The following TLR5 variants were observed in gnomAD, a reference collection of about 807,000 sequenced individuals.
The protein encoded by TLR5 is toll-like receptor 5.
For missense variants in TLR5, 944 were observed against 999.8 expected, an observed-to-expected ratio of 0.94 and a Z score of 0.75; for synonymous variants, 373 against 384.4, an observed-to-expected ratio of 0.97 and a Z score of 0.35.
chr1:223,127,097 C>T (rs1351839715), intron 5 of TLR5: 3 of 152,272 alleles, frequency 2.0e-5, no homozygotes, highest in South Asian at 4.1e-4. Flanking sequence ...TGGGGCACCA[C>T]AGCATGCGGA....
At chr1:223,114,572 G>A (rs1773726) in intron 5 of TLR5, among the ~76,000 whole-genome samples, 51,674 of 151,822 alleles carry the variant, frequency 0.34, 9,947 homozygotes, top group Non-Finnish European at 0.43. Flanking sequence ...GAGCAGTCAC[G>A]GTGCTGGAGG....
intron 5 of TLR5, among the ~76,000 whole-genome samples, chr1:223,125,665 C>T (rs1657137912): frequency 6.6e-6 from 1 of 152,034 alleles, no homozygotes; most frequent in African/African-American, 2.4e-5. Flanking sequence ...GTGGTGTGCT[C>T]TCTCAGGAAT....
chr1:223,112,236 C>T lies in TLR5; in HGVS notation c.796G>A (p.Gly266Ser). 10 of 1,614,112 alleles carry T rather than the reference C, an allele frequency of 6.2e-6. No homozygotes were observed. The highest frequency in any genetic ancestry group is 8.5e-6 in the Non-Finnish European group (10 of 1,180,038). The change falls in exon 6 of 6, where the codon GGT becomes AGT. Residue 266 changes from glycine (G) to serine (S), a missense_variant. Gly to Ser is a moderately conservative substitution (Grantham distance 56). Coordinates refer to ENST00000642603, the MANE Select transcript of TLR5 (RefSeq NM_003268.6). ...ATGTTATGGAAGCCAAACCCGGCAC[C>T]CATGATGTGGTGGGCAAGAATCAAA... ...FSLILAHHIM[G>S]AGFGFHNIKD...
In TLR5 at chr1:223,112,644, C is replaced by A. The variant is rs765693848; in HGVS notation, c.388G>T (p.Gly130Cys). 7 of 1,614,008 alleles carry A rather than the reference C, an allele frequency of 4.3e-6. No individual in the cohort carries two copies. Among genetic ancestry groups the A allele is most frequent in the Admixed American group, 1.7e-5 (1 of 60,004 alleles). ...HLFELRLYFC[G>C]LSDAVLKDGY... is the part of the protein sequence containing the mutation. Reference sequence around the variant, plus strand: ...TCTTTCAATACAGCATCAGAGAGACCACAGAAATACAGTCTAAGTTCAAAC... The same window carrying A: ...TCTTTCAATACAGCATCAGAGAGACAACAGAAATACAGTCTAAGTTCAAAC... Residue 130 changes from glycine (G) to cysteine (C), a missense_variant, in exon 6 of 6, where the codon GGT (glycine) becomes TGT (cysteine). Transcript: ENST00000642603.
chr1:223,118,835 G>T (rs1306571184), intron 5 of TLR5, among the ~76,000 whole-genome samples: 1 of 152,030 alleles, frequency 6.6e-6, no homozygotes, highest in Non-Finnish European at 1.5e-5. Context: ...CGGGCACGGT[G>T]GCTCACGCCT....
At chr1:223,143,010 G>C (rs1470025403) in intron 1 of TLR5, among the ~76,000 whole-genome samples, 186 bp downstream of exon 1, 3 of 152,156 alleles carry the variant, frequency 2.0e-5, no homozygotes, top group African/African-American at 7.2e-5. Flanking sequence ...CGTCTCGCGG[G>C]TGCCGCGGGG....
chr1:223,131,057 A>T lies in TLR5; in HGVS notation c.-5+1418T>A, dbSNP rs1045905933. 6.6e-6 allele frequency among the ~76,000 whole-genome samples: 1 copy of T among 152,108 alleles called. No homozygotes were observed. The highest frequency in any genetic ancestry group is 2.4e-5 in the African/African-American group (1 of 41,430). ...AGGCTCCACTGCCTCCCCTCTAGAT[A>T]TGGGAGACACCACCTTGCTAGTCTC... On this transcript the variant is annotated intron_variant, in intron 5 of 5. Coordinates refer to ENST00000642603, the MANE Select transcript of TLR5 (RefSeq NM_003268.6). The surrounding 1 kb of genome is among the most constrained non-coding windows in gnomAD (Gnocchi z 4.2).
In TLR5 at chr1:223,110,610, C is replaced by T. The variant is rs752765596; in HGVS notation, c.2422G>A (p.Gly808Ser). ...YQLMKHQSIR[G>S]FVQKQQYLRW... The stretch of plus-strand genomic sequence containing the variant: ...AAATACTGCTGTTTCTGTACAAAGC[C>T]TCTGATGGATTGATGTTTCATCAAC... The change falls in exon 6 of 6, where the codon GGC becomes AGC. Residue 808 changes from glycine to serine, a missense_variant. By Grantham distance (56) the Gly-to-Ser change is moderately conservative. Coordinates refer to ENST00000642603, the MANE Select transcript of TLR5 (RefSeq NM_003268.6). The T allele has an allele frequency of 8.7e-6, 14 of 1,614,172 alleles. No individual in the cohort carries two copies. Among genetic ancestry groups the T allele is most frequent in the Non-Finnish European group, 1.1e-5 (13 of 1,180,036 alleles).
intron 5 of TLR5, among the ~76,000 whole-genome samples, chr1:223,117,945 C>T (rs943151010): frequency 1.6e-4 from 24 of 152,280 alleles, no homozygotes; most frequent in African/African-American, 4.8e-4. Flanking sequence ...AGTGATTTTC[C>T]GAAATGGTGA....
intron 3 of TLR5, among the ~76,000 whole-genome samples, chr1:223,136,222 AG>A (rs1657606846): frequency 1.3e-5 from 2 of 152,334 alleles, no homozygotes; most frequent in South Asian, 4.1e-4. Flanking sequence ...GCAGGACCCC[AG>A]TGAGTTAGCT....
intron 2 of TLR5, among the ~76,000 whole-genome samples, chr1:223,139,762 C>T (rs1657762129): frequency 6.6e-6 from 1 of 152,092 alleles, no homozygotes; most frequent in South Asian, 2.1e-4. Flanking sequence ...GTTTTGAGCA[C>T]CACCACTGCA....
chr1:223,110,946 A>G lies in TLR5; in HGVS notation c.2086T>C (p.Tyr696His), dbSNP rs767383887. ...AAGTCTTTGCTGCTGAAGCACAAATAGGCATCATATTTGTACATATCAGGT... is the reference window on the plus strand; with the variant it reads ...AAGTCTTTGCTGCTGAAGCACAAATGGGCATCATATTTGTACATATCAGGT... Reference protein sequence around the residue: ...TEPDMYKYDAYLCFSSKDFTW... With the variant: ...TEPDMYKYDAHLCFSSKDFTW... Residue 696 changes from tyrosine (Y) to histidine (H), a missense_variant, in exon 6 of 6, where the codon TAT (tyrosine) becomes CAT (histidine). Physicochemically the swap from Tyr to His is moderately conservative, Grantham distance 83 (BLOSUM62 2). Transcript: ENST00000642603. 29 of 1,614,146 alleles carry G rather than the reference A, an allele frequency of 1.8e-5. No individual in the cohort carries two copies. The highest frequency in any genetic ancestry group is 2.4e-5 in the Non-Finnish European group (28 of 1,180,052).
At chr1:223,124,466 G>GA (rs200329381) in intron 5 of TLR5, among the ~76,000 whole-genome samples, 4 of 147,310 alleles carry the variant, frequency 2.7e-5, no homozygotes, top group East Asian at 2.0e-4. Flanking sequence ...AAAAGAAAAA[G>GA]AAAAAAAAAG....
chr1:223,116,856 A>C (rs1656680071), intron 5 of TLR5, among the ~76,000 whole-genome samples: 2 of 152,214 alleles, frequency 1.3e-5, no homozygotes, highest in South Asian at 2.1e-4. Context: ...TAGACATAAA[A>C]GTTCTCCAAG....
chr1:223,138,781 A>G (rs1420997274), intron 2 of TLR5, among the ~76,000 whole-genome samples: 1 of 152,186 alleles, frequency 6.6e-6, no homozygotes, highest in Admixed American at 6.5e-5. Flanking sequence ...ATAGGTTTGA[A>G]AAAACCTTGT....
chr1:223,131,701 C>T lies in TLR5; in HGVS notation c.-5+774G>A, dbSNP rs985002933. Among the ~76,000 whole-genome samples, 1 of 152,188 alleles carries T rather than the reference C, an allele frequency of 6.6e-6. No individual in the cohort carries two copies. Among genetic ancestry groups the T allele is most frequent in the Non-Finnish European group, 1.5e-5 (1 of 68,026 alleles). ...ATCTCAGCTTCCCAAGTAGTTGGGA[C>T]TACAGGCTTGTACCACCATGCCCAG... On this transcript the variant is annotated intron_variant, in intron 5 of 5. Transcript: ENST00000642603. The surrounding 1 kb of genome is among the most constrained non-coding windows in gnomAD (Gnocchi z 4.2).
At position 223,111,490 on chromosome 1, in the gene TLR5, A is replaced by G. The variant is rs1656335031; in HGVS notation, c.1542T>C (p.Leu514=). Residue 514 remains leucine, a synonymous_variant, in exon 6 of 6, where the codon CTT becomes CTC. Transcript: ENST00000642603. ...TAAATACTCCTGGTGGAAGGGAATT[A>G]AGATAGTTATGATTCAAATACAGAA... The part of the protein sequence containing the change: ...LQVLYLNHNY[L]NSLPPGVFSH... 2 of 1,614,172 alleles carry G rather than the reference A, an allele frequency of 1.2e-6. No individual in the cohort carries two copies. The highest frequency in any genetic ancestry group is 1.7e-6 in the Non-Finnish European group (2 of 1,180,040).
chr1:223,129,762 A>G (rs979901900), intron 5 of TLR5, among the ~76,000 whole-genome samples: 1 of 152,224 alleles, frequency 6.6e-6, no homozygotes, highest in African/African-American at 2.4e-5. Flanking sequence ...CCTCAGAGCC[A>G]TCACACGCCT....
chr1:223,111,757 C>T lies in TLR5; in HGVS notation c.1275G>A (p.Ala425=), dbSNP rs550493136. 111 of 1,614,016 alleles carry T rather than the reference C, an allele frequency of 6.9e-5. No individual in the cohort carries two copies. The highest frequency in any genetic ancestry group is 3.3e-4 in the Admixed American group (20 of 60,020). The part of the protein sequence containing the change: ...LVTLPKINLT[A]NLIHLSENRL... The stretch of plus-strand genomic sequence containing the variant: ...TGTTTTCTGATAAGTGGATGAGGTT[C>T]GCTGTAAGGTTGATCTTTGGCAAAG... The change falls in exon 6 of 6, where the codon GCG becomes GCA. Residue 425 remains alanine (A), a synonymous_variant. Coordinates refer to ENST00000642603, the MANE Select transcript of TLR5 (RefSeq NM_003268.6).
Sources: allele counts gnomAD v4.1 joint callset (sites outside exome capture counted in the v4.1 genomes callset), GRCh38; gene constraint gnomAD v4.1.1; non-coding constraint Gnocchi (gnomAD v3.1); transcripts MANE v1.5; gene names NCBI Gene and HGNC (gene_info 2026-07-23, HGNC 2026-07-21).